SRPK2: variants seen among roughly 807,000 people sequenced by gnomAD.
SRPK2 encodes the protein SFRS protein kinase 2.
In SRPK2, 21 loss-of-function variants were observed where a neutral mutation model predicts 90.8. The observed-to-expected ratio is 0.23, with a 90% CI of 0.16 to 0.33. The LOEUF (loss-of-function observed/expected upper bound fraction) is 0.33. SRPK2 is among the 10% of genes least tolerant of loss of function. SRPK2 has a pLI of 1.00. For synonymous variants in SRPK2, 288 were observed against 311.1 expected, an observed-to-expected ratio of 0.93 and a Z score of 0.78; for missense variants, 620 against 869.0, an observed-to-expected ratio of 0.71 and a Z score of 3.60.
rs147938666 is a variant in SRPK2 at position 105,126,883 on chromosome 7, T to C, written c.1822+110A>G. 1.2e-4 allele frequency: 132 copies of C among 1,124,982 alleles called. 1 individual carries two copies. Among genetic ancestry groups the C allele is most frequent in the African/African-American group, 3.4e-4 (22 of 64,340 alleles). 69.7% of individuals were successfully genotyped at this position (1,124,982 alleles called of 1,614,324 possible). ...AAGGAAAAGCATCTGAATTTGGTGT[T>C]TGAAAACCAAACACATGGCTCTATT... On this transcript the variant is annotated intron_variant, in intron 14 of 15. Transcript: ENST00000393651.
At chr7:105,215,765 T>C (rs981996827) in intron 2 of SRPK2, among the ~76,000 whole-genome samples, 3 of 152,124 alleles carry the variant, frequency 2.0e-5, no homozygotes, top group Non-Finnish European at 4.4e-5. Flanking sequence ...TCAATTTGTA[T>C]AAAATGATTA....
intron 3 of SRPK2, among the ~76,000 whole-genome samples, chr7:105,180,201 C>T (rs1792585794): frequency 6.6e-6 from 1 of 152,130 alleles, no homozygotes; most frequent in South Asian, 2.1e-4. Context: ...GTAACCAAAA[C>T]AGCATGGCAC....
intron 2 of SRPK2, among the ~76,000 whole-genome samples, chr7:105,343,690 T>C (rs915427642): frequency 3.9e-5 from 6 of 152,250 alleles, no homozygotes; most frequent in Admixed American, 1.3e-4. Flanking sequence ...TGTTCAATTA[T>C]GATTACAAAT....
intron 2 of SRPK2, among the ~76,000 whole-genome samples, chr7:105,218,162 T>C (rs553548755): frequency 2.6e-5 from 4 of 152,176 alleles, no homozygotes; most frequent in South Asian, 4.1e-4. Context: ...AAGGAGAATA[T>C]TGGCAGAAGT....
At chr7:105,143,451 TC>T (rs1804092982) in intron 9 of SRPK2, 121 bp from the exon 10 acceptor site, 2 of 1,285,176 alleles carry the variant, frequency 1.6e-6, no homozygotes, top group Admixed American at 4.8e-5. Context: ...TCTATTAAAA[TC>T]CCAAACCCAG....
intron 9 of SRPK2, 49 bp downstream of exon 9, chr7:105,145,234 C>A: frequency 2.8e-6 from 4 of 1,424,798 alleles, no homozygotes; most frequent in Non-Finnish European, 3.8e-6. Flanking sequence ...CAATAATAAA[C>A]GGTCTCTTTT....
intron 2 of SRPK2, among the ~76,000 whole-genome samples, chr7:105,249,121 C>T (rs1190446672): frequency 6.6e-6 from 1 of 152,116 alleles, no homozygotes; most frequent in Non-Finnish European, 1.5e-5. Context: ...AGAGCACATC[C>T]TGTTTCACAC....
intron 7 of SRPK2, among the ~76,000 whole-genome samples, chr7:105,153,860 G>A (rs748474725): frequency 2.6e-5 from 4 of 152,164 alleles, no homozygotes; most frequent in Non-Finnish European, 4.4e-5. Context: ...ACTTGTGGGC[G>A]TGCGGGACAC....
At chr7:105,290,374 G>A (rs1472942618) in intron 2 of SRPK2, among the ~76,000 whole-genome samples, 1 of 151,752 alleles carries the variant, frequency 6.6e-6, no homozygotes, top group Admixed American at 6.6e-5. Context: ...ACACACCTGT[G>A]GTCCCAGCTA....
intron 2 of SRPK2, chr7:105,245,072 C>CACACA: frequency 1.7e-6 from 1 of 596,348 alleles, no homozygotes; most frequent in South Asian, 1.8e-5. Flanking sequence ...CACACACACA[C>CACACA]ACCTCTTTTT....
At chr7:105,211,941 T>C (rs887563374) in intron 2 of SRPK2, among the ~76,000 whole-genome samples, 1 of 152,172 alleles carries the variant, frequency 6.6e-6, no homozygotes, top group African/African-American at 2.4e-5. Context: ...GTTCTAAAGG[T>C]ATTGCTGCCT....
chr7:105,393,374 C>T (rs1404550793), upstream of SRPK2, among the ~76,000 whole-genome samples: 4 of 151,884 alleles, frequency 2.6e-5, no homozygotes, highest in East Asian at 1.9e-4. Flanking sequence ...TCAGGTGATC[C>T]GCCCACCTTG....
Position 105,160,556 on chromosome 7 carries a change from G to C in SRPK2, c.572C>G (p.Ser191Cys), listed in dbSNP as rs1190291581. ...ACGTACTGGGAGGCCTTGATAGTTG[G>C]ATTTGATGATCCACTTGAGGAGATG... ...GHHLLKWIIKSNYQGLPVRCV... is the reference protein window; with the variant it reads ...GHHLLKWIIKCNYQGLPVRCV... Residue 191 changes from serine to cysteine, a missense_variant, in exon 7 of 16, where the codon TCC (serine) becomes TGC (cysteine). Physicochemically the swap from Ser to Cys is moderately radical, Grantham distance 112. Around this residue, in one of 8 missense-constraint regions of SRPK2, gnomAD observed 196 missense variants for 339.2 expected, o/e 0.58. Coordinates refer to ENST00000393651, the MANE Select transcript of SRPK2 (RefSeq NM_182692.3). The C allele has an allele frequency of 6.2e-7, 1 of 1,613,908 alleles. No homozygotes were observed.
chr7:105,256,689 T>TA (rs986341342), intron 2 of SRPK2, among the ~76,000 whole-genome samples: 1 of 151,918 alleles, frequency 6.6e-6, no homozygotes, highest in Non-Finnish European at 1.5e-5. Flanking sequence ...AGATTTGACA[T>TA]AAAAATCCAA....
chr7:105,349,014 C>T (rs1816818101), intron 2 of SRPK2, among the ~76,000 whole-genome samples: 1 of 151,334 alleles, frequency 6.6e-6, no homozygotes. Context: ...GGCGTGGTGG[C>T]GCTTTCCTGT....
chr7:105,372,005 G>C (rs1303677832), intron 2 of SRPK2, among the ~76,000 whole-genome samples: 3 of 151,726 alleles, frequency 2.0e-5, no homozygotes, highest in African/African-American at 7.3e-5. Context: ...CGTGGTGGCG[G>C]GCGCCTGTAG....
At position 105,383,925 on chromosome 7, in the gene SRPK2, CTT is replaced by C. The variant is rs1357306917; in HGVS notation, c.71+4721_71+4722del. ...TTCAGAATAAGCAGATTCATAGAGA[CTT>C]AGAATGTAAATTAGTTGTTGCCAAC... On this transcript the variant is annotated intron_variant, in intron 2 of 15. Transcript: ENST00000393651. Among the ~76,000 whole-genome samples, 11 of 152,026 alleles carry C rather than the reference CTT, an allele frequency of 7.2e-5. No homozygotes were observed. The East Asian group carries it at 1.9e-3, about 27-fold the overall frequency.
intron 7 of SRPK2, among the ~76,000 whole-genome samples, chr7:105,151,588 T>C (rs1453107875): frequency 1.3e-5 from 2 of 152,212 alleles, no homozygotes; most frequent in African/African-American, 4.8e-5. Flanking sequence ...CAGGCTGGAG[T>C]GCAGTGGCTA....
intron 2 of SRPK2, among the ~76,000 whole-genome samples, chr7:105,229,772 G>C (rs1054003264): frequency 7.1e-6 from 1 of 141,576 alleles, no homozygotes; most frequent in East Asian, 2.4e-4. Context: ...TTTCAAGTAA[G>C]AACTTGCACT....
Sources: allele counts gnomAD v4.1 joint callset (sites outside exome capture counted in the v4.1 genomes callset), GRCh38; gene constraint gnomAD v4.1.1; regional missense constraint gnomAD v4.1.1; transcripts MANE v1.5; gene names NCBI Gene and HGNC (gene_info 2026-07-23, HGNC 2026-07-21).